The following IL13RA1 variants were observed in gnomAD, a reference collection of about 807,000 sequenced individuals.
The protein encoded by IL13RA1 is interleukin-13 receptor subunit alpha-1.
Under a neutral mutation model 33.8 loss-of-function variants are expected in IL13RA1, and 14 were observed. The ratio of observed to expected loss-of-function variants is 0.41; its 90% CI spans 0.27 to 0.65. The LOEUF is 0.65. IL13RA1 is among the 30% of genes least tolerant of loss of function. IL13RA1 has a pLI of 0.28. For missense variants in IL13RA1, 313 were observed against 327.0 expected, an observed-to-expected ratio of 0.96 and a Z score of 0.33; for synonymous variants, 116 against 115.7, an observed-to-expected ratio of 1.00 and a Z score of -0.02.
downstream of IL13RA1, among the ~76,000 whole-genome samples, chrX:118,798,936 G>C (rs2018047757): frequency 8.9e-6 from 1 of 112,443 alleles, no homozygotes; most frequent in African/African-American, 3.2e-5. Flanking sequence ...CACTCCCTCA[G>C]CTTGCAGGGA....
intron 6 of IL13RA1, among the ~76,000 whole-genome samples, chrX:118,762,379 C>T (rs1308113991): frequency 1.8e-5 from 2 of 112,376 alleles, no homozygotes; most frequent in Admixed American, 9.4e-5. Flanking sequence ...TGCCTGGACC[C>T]TTTGTGTGTT....
In IL13RA1 at chrX:118,761,154, A is replaced by G. The variant is rs200511135; in HGVS notation, c.693A>G (p.Pro231=). 2.9e-5 allele frequency: 30 copies of G among 1,036,762 alleles called. No individual in the cohort carries two copies. Among genetic ancestry groups the G allele is most frequent in the Non-Finnish European group, 3.8e-5 (29 of 762,318 alleles). The allele number at this position is 1,036,762 out of a possible 1,213,427, so 85.4% of individuals were successfully genotyped here. A position where few individuals can be genotyped will look rare whatever the true frequency, so the allele number is the denominator to read the frequency against. ...GTTTTTCAGTGAAACCTGATCCTCC[A>G]CATATTAAAAACCTCTCCTTCCACA... The part of the protein sequence containing the change: ...PLTSRVKPDP[P]HIKNLSFHND... Residue 231 remains proline, a synonymous_variant, in exon 6 of 11, where the codon CCA becomes CCG. Coordinates refer to ENST00000371666, the MANE Select transcript of IL13RA1 (RefSeq NM_001560.3).
At chrX:118,795,012 G>A (rs1055609956), downstream of IL13RA1, among the ~76,000 whole-genome samples, 3 of 110,164 alleles carry the variant, frequency 2.7e-5, no homozygotes, top group East Asian at 2.8e-4. Context: ...CATGAGGTCA[G>A]GAGATCCAGA....
At chrX:118,730,878 C>T (rs1163712101) in intron 1 of IL13RA1, among the ~76,000 whole-genome samples, 3 of 112,099 alleles carry the variant, frequency 2.7e-5, no homozygotes, top group Non-Finnish European at 1.9e-5. Context: ...AAGAAAAAAA[C>T]GAACAGGAGT....
chrX:118,803,952 T>G, the IL13RA1 span, among the ~76,000 whole-genome samples: 1 of 96,675 alleles, frequency 1.0e-5, no homozygotes, highest in Admixed American at 1.3e-4. Context: ...TTTTCTTTCT[T>G]TCTTTCTTTC....
intron 2 of IL13RA1, among the ~76,000 whole-genome samples, chrX:118,745,794 AAGC>A (rs1256789549): frequency 1.2e-4 from 13 of 111,500 alleles, no homozygotes; most frequent in African/African-American, 4.3e-4. Context: ...CTCTGATTAA[AAGC>A]AGCTCCATTC....
In IL13RA1 at chrX:118,794,318, G is replaced by A. The variant is rs1003523081; in HGVS notation, c.*2464G>A. 1.8e-5 allele frequency: 2 copies of A among 112,366 alleles called. No homozygotes were observed. Among genetic ancestry groups the A allele is most frequent in the African/African-American group, 6.5e-5 (2 of 30,802 alleles). The allele number at this position is 112,366 out of a possible 1,213,427, so 9.3% of individuals were successfully genotyped here. A position where few individuals can be genotyped will look rare whatever the true frequency, so the allele number is the denominator to read the frequency against. On this transcript the variant is annotated 3_prime_UTR_variant, in exon 11 of 11. Coordinates refer to ENST00000371666, the MANE Select transcript of IL13RA1 (RefSeq NM_001560.3). ...AGGCTCATTTACTGTTTTAGGTCTAGCCTATGTGGATTTTTTCCTAACATA... is the reference window on the plus strand; with the variant it reads ...AGGCTCATTTACTGTTTTAGGTCTAACCTATGTGGATTTTTTCCTAACATA...
chrX:118,796,963 A>T (rs1196883113), downstream of IL13RA1, among the ~76,000 whole-genome samples: 2 of 112,665 alleles, frequency 1.8e-5, no homozygotes, highest in Non-Finnish European at 3.8e-5. Flanking sequence ...AGGGAAGGCT[A>T]CTTTGTATAG....
intron 10 of IL13RA1, among the ~76,000 whole-genome samples, chrX:118,778,962 T>C (rs1411398425): frequency 8.9e-6 from 1 of 111,991 alleles, no homozygotes; most frequent in East Asian, 2.8e-4. Context: ...ATGCTAGACT[T>C]CTCTTGGTCT....
chrX:118,777,268 C>T (rs1004007102), intron 10 of IL13RA1, among the ~76,000 whole-genome samples: 2 of 110,964 alleles, frequency 1.8e-5, no homozygotes, highest in Non-Finnish European at 3.8e-5. Flanking sequence ...TGGCTTATTT[C>T]ATTTACCATA....
At chrX:118,750,026 G>T (rs1022157231) in intron 4 of IL13RA1, among the ~76,000 whole-genome samples, 5 of 111,561 alleles carry the variant, frequency 4.5e-5, no homozygotes, top group Non-Finnish European at 9.4e-5. Context: ...ACTCCACTCA[G>T]TTTCTCCCAG....
At chrX:118,780,797 AC>A (rs1316447811) in intron 10 of IL13RA1, among the ~76,000 whole-genome samples, 1 of 112,094 alleles carries the variant, frequency 8.9e-6, no homozygotes, top group Non-Finnish European at 1.9e-5. Flanking sequence ...TTTGGCAGGG[AC>A]ATATATCCAA....
intron 5 of IL13RA1, among the ~76,000 whole-genome samples, 172 bp downstream of exon 5, chrX:118,758,414 G>A (rs1046799033): frequency 5.4e-5 from 6 of 112,032 alleles, no homozygotes; most frequent in African/African-American, 1.9e-4. Context: ...AGTAAACTTG[G>A]AAATTCTTTT....
At chrX:118,788,673 A>G (rs1375293774) in intron 10 of IL13RA1, among the ~76,000 whole-genome samples, 1 of 112,078 alleles carries the variant, frequency 8.9e-6, no homozygotes, top group Non-Finnish European at 1.9e-5. Flanking sequence ...TTGTGTGCAC[A>G]TATTATAATG....
intron 8 of IL13RA1, among the ~76,000 whole-genome samples, chrX:118,769,372 C>A (rs778726667): frequency 8.0e-5 from 9 of 112,453 alleles, no homozygotes; most frequent in Admixed American, 2.8e-4. Context: ...GAATTTGAGG[C>A]CTGATGCCAT....
Position 118,741,142 on chromosome X carries a change from GACAA to G in IL13RA1, c.219_222del (p.Gln74IlefsTer4), listed in dbSNP as rs766221874. ...TCTATGGTATTTTAGTCATTTTGGC[GACAA>G]ACAAGATAAGGTAAGTTTTCTGCAA... On this transcript the variant is annotated frameshift_variant, in exon 2 of 11. Transcript: ENST00000371666. LOFTEE classifies it high-confidence loss of function. The G allele has an allele frequency of 8.6e-7, 1 of 1,160,477 alleles. No individual in the cohort carries two copies. The highest frequency in any genetic ancestry group is 1.2e-6 in the Non-Finnish European group (1 of 849,728).
At chrX:118,786,884 C>A (rs561048875) in intron 10 of IL13RA1, among the ~76,000 whole-genome samples, 2 of 112,297 alleles carry the variant, frequency 1.8e-5, no homozygotes, top group African/African-American at 6.5e-5. Flanking sequence ...TTTGAAAATG[C>A]AAACCCTTCC....
chrX:118,760,449 C>T (rs1196473557), intron 5 of IL13RA1, among the ~76,000 whole-genome samples: 1 of 111,508 alleles, frequency 9.0e-6, no homozygotes, highest in Admixed American at 9.6e-5. Context: ...TATCTGGTGC[C>T]TTATTACTCA....
chrX:118,728,376 C>G (rs1224401019), intron 1 of IL13RA1, among the ~76,000 whole-genome samples: 3 of 112,251 alleles, frequency 2.7e-5, no homozygotes, highest in Non-Finnish European at 3.8e-5. Flanking sequence ...ATGCTCCCCC[C>G]ACCCCACTCT....
Sources: allele counts gnomAD v4.1 joint callset (sites outside exome capture counted in the v4.1 genomes callset), GRCh38; gene constraint gnomAD v4.1.1; transcripts MANE v1.5; gene names NCBI Gene and HGNC (gene_info 2026-07-23, HGNC 2026-07-21).